The following LRRIQ1 variants were observed in gnomAD, a reference collection of about 807,000 sequenced individuals.
LRRIQ1 encodes the protein leucine rich repeats and IQ motif containing 1.
Under a neutral mutation model 211.9 loss-of-function variants are expected in LRRIQ1, and 210 were observed. That is an observed-to-expected ratio of 0.99 (90% confidence interval 0.89 to 1.11). LRRIQ1 has a LOEUF of 1.11. LRRIQ1 is among the 50% of genes most tolerant of loss of function. The probability of loss-of-function intolerance (pLI) is 0.00; values close to 1 mark genes in which losing one functional copy is unlikely to be tolerated. For synonymous variants in LRRIQ1, 699 were observed against 650.1 expected (o/e 1.08, Z -1.14); for missense variants, 2,136 against 1,939.5 (o/e 1.10, Z -1.90).
chr12:85,243,310 A>G (rs991750042), intron 26 of LRRIQ1, among the ~76,000 whole-genome samples: 1 of 115,208 alleles, frequency 8.7e-6, no homozygotes, highest in Non-Finnish European at 1.8e-5. Flanking sequence ...ATAATGTATA[A>G]CTTTTATTAT....
chr12:85,153,952 G>A (rs1372348186), intron 22 of LRRIQ1, 60 bp from the exon 23 acceptor site: 8 of 1,140,896 alleles, frequency 7.0e-6, no homozygotes, highest in South Asian at 4.9e-5. Context: ...ATTTTTATAT[G>A]CATATCTAAA....
At chr12:85,181,597 T>G (rs1259967635) in intron 24 of LRRIQ1, among the ~76,000 whole-genome samples, 1 of 151,992 alleles carries the variant, frequency 6.6e-6, no homozygotes, top group Non-Finnish European at 1.5e-5. Flanking sequence ...GAATTTAAAA[T>G]TTATGTACCA....
At chr12:85,245,474 G>T (rs1266720283), downstream of LRRIQ1, among the ~76,000 whole-genome samples, 1 of 148,750 alleles carries the variant, frequency 6.7e-6, no homozygotes, top group Admixed American at 6.7e-5. Context: ...TTAACTTGGT[G>T]AGAAATATAC....
chr12:85,123,111 A>G (rs1421996920), intron 16 of LRRIQ1, among the ~76,000 whole-genome samples: 1 of 136,720 alleles, frequency 7.3e-6, no homozygotes, highest in Non-Finnish European at 1.5e-5. Context: ...TTTTTGCATT[A>G]TTAGCCAATG....
At chr12:85,051,008 C>T (rs912946151) in intron 6 of LRRIQ1, among the ~76,000 whole-genome samples, 2 of 152,140 alleles carry the variant, frequency 1.3e-5, no homozygotes, top group African/African-American at 4.8e-5. Context: ...CCCTTGAAAT[C>T]TCATGGAATC....
intron 15 of LRRIQ1, among the ~76,000 whole-genome samples, chr12:85,116,971 T>C (rs181262553): frequency 6.6e-6 from 1 of 152,236 alleles, no homozygotes; most frequent in Admixed American, 6.5e-5. Context: ...GTCATTTAGG[T>C]TGATTCCATG....
At chr12:85,170,055 A>C (rs534557514) in intron 24 of LRRIQ1, among the ~76,000 whole-genome samples, 1 of 152,236 alleles carries the variant, frequency 6.6e-6, no homozygotes, top group African/African-American at 2.4e-5. Context: ...GGTCCAGTGA[A>C]GCATAAAACA....
At chr12:85,147,909 C>T (rs2136637112) in intron 19 of LRRIQ1, among the ~76,000 whole-genome samples, 1 of 151,790 alleles carries the variant, frequency 6.6e-6, no homozygotes, top group African/African-American at 2.4e-5. Context: ...CTAAAGGAAT[C>T]AAATAGAACG....
chr12:85,041,618 G>A (rs1878901439), intron 3 of LRRIQ1, among the ~76,000 whole-genome samples: 1 of 151,620 alleles, frequency 6.6e-6, no homozygotes, highest in Non-Finnish European at 1.5e-5. Context: ...AAACGTTTCT[G>A]GTTGTATGTG....
chr12:85,204,122 T>C lies in LRRIQ1; in HGVS notation c.4823-25395T>C, dbSNP rs117279915. Reference sequence around the variant, plus strand: ...TTGTCCCATGGCTAAAAGGGGCCAATGTAGAGCTCAGGCTGTGGCTTCAGA... The same window carrying C: ...TTGTCCCATGGCTAAAAGGGGCCAACGTAGAGCTCAGGCTGTGGCTTCAGA... On this transcript the variant is annotated intron_variant, in intron 24 of 26. Transcript: ENST00000393217. Among the ~76,000 whole-genome samples, 711 of 152,308 alleles carry C rather than the reference T, an allele frequency of 4.7e-3. 49 individuals are homozygous for C. The East Asian group carries it at 0.11, about 24-fold the overall frequency.
chr12:85,167,633 G>C (rs191203264), intron 24 of LRRIQ1, among the ~76,000 whole-genome samples: 2 of 152,270 alleles, frequency 1.3e-5, no homozygotes, highest in Non-Finnish European at 2.9e-5. Context: ...TAGCTGATTA[G>C]ATGGTGCCCA....
chr12:85,156,544 T>C (rs1347576351), intron 23 of LRRIQ1, among the ~76,000 whole-genome samples: 1 of 144,240 alleles, frequency 6.9e-6, no homozygotes, highest in Admixed American at 7.2e-5. Flanking sequence ...CTTTTTCCAG[T>C]TTTATAATTC....
intron 11 of LRRIQ1, among the ~76,000 whole-genome samples, chr12:85,088,385 C>T (rs544297074): frequency 1.3e-5 from 2 of 152,142 alleles, no homozygotes; most frequent in Non-Finnish European, 2.9e-5. Flanking sequence ...AGCATGATGC[C>T]TCCAGCTTTG....
intron 10 of LRRIQ1, among the ~76,000 whole-genome samples, chr12:85,068,427 C>T (rs1212643589): frequency 6.6e-6 from 1 of 151,672 alleles, no homozygotes; most frequent in Non-Finnish European, 1.5e-5. Context: ...TATAAATGTA[C>T]AATAATACAT....
intron 24 of LRRIQ1, 49 bp from the exon 25 acceptor site, chr12:85,229,468 A>G (rs766205119): frequency 3.3e-6 from 5 of 1,514,354 alleles, no homozygotes; most frequent in Admixed American, 2.4e-5. Flanking sequence ...GGTTGGCCAA[A>G]GTTTGGTCTC....
chr12:85,145,223 A>T (rs1168025288), intron 19 of LRRIQ1, among the ~76,000 whole-genome samples: 1 of 151,670 alleles, frequency 6.6e-6, no homozygotes, highest in Non-Finnish European at 1.5e-5. Context: ...TTTAGGGAAT[A>T]TCAGAAATAT....
intron 24 of LRRIQ1, among the ~76,000 whole-genome samples, chr12:85,192,067 T>G (rs1892541804): frequency 6.6e-6 from 1 of 151,450 alleles, no homozygotes; most frequent in African/African-American, 2.4e-5. Context: ...TCACGGGGGG[T>G]TGTTTACAGA....
intron 26 of LRRIQ1, among the ~76,000 whole-genome samples, chr12:85,243,453 GA>G (rs1895564643): frequency 6.7e-6 from 1 of 149,330 alleles, no homozygotes; most frequent in Non-Finnish European, 1.5e-5. Flanking sequence ...GAGGTTTTTT[GA>G]CAATGTCATT....
At chr12:85,145,514 C>CT (rs1303717033) in intron 19 of LRRIQ1, among the ~76,000 whole-genome samples, 9 of 151,442 alleles carry the variant, frequency 5.9e-5, no homozygotes, top group African/African-American at 1.9e-4. Context: ...TACATGAACT[C>CT]TAACAAGTTA....
Sources: allele counts gnomAD v4.1 joint callset (sites outside exome capture counted in the v4.1 genomes callset), GRCh38; gene constraint gnomAD v4.1.1; transcripts MANE v1.5; gene names NCBI Gene and HGNC (gene_info 2026-07-23, HGNC 2026-07-21).